Variants in PTPRN2 observed in about 807,000 individuals in gnomAD.
The protein encoded by PTPRN2 is receptor-type tyrosine-protein phosphatase N2.
In PTPRN2, 74 loss-of-function variants were observed where a neutral mutation model predicts 118.8. The ratio of observed to expected loss-of-function variants is 0.62; its 90% CI spans 0.52 to 0.76. The LOEUF (loss-of-function observed/expected upper bound fraction) is 0.76, where lower values mean the gene tolerates loss of function less well. PTPRN2 is among the 30% of genes least tolerant of loss of function. The probability of loss-of-function intolerance (pLI) is 0.00; values close to 1 mark genes in which losing one functional copy is unlikely to be tolerated. For synonymous variants in PTPRN2, 641 were observed against 608.0 expected, an observed-to-expected ratio of 1.05 and a Z score of -0.80; for missense variants, 1,481 against 1,394.4, an observed-to-expected ratio of 1.06 and a Z score of -0.99.
At position 157,941,002 on chromosome 7, in the gene PTPRN2, G is replaced by A. The variant is rs113696987; in HGVS notation, c.1724-42265C>T. 8.3e-3 allele frequency among the ~76,000 whole-genome samples: 231 copies of A among 27,666 alleles called. 19 individuals carry two copies. Among genetic ancestry groups the A allele is most frequent in the Admixed American group, 0.014 (21 of 1,546 alleles). The allele number at this position is 27,666 out of a possible 152,430, so 18.1% of individuals were successfully genotyped here. A position where few individuals can be genotyped will look rare whatever the true frequency, so the allele number is the denominator to read the frequency against. On this transcript the variant is annotated intron_variant, in intron 11 of 22. Coordinates refer to ENST00000389418, the MANE Select transcript of PTPRN2 (RefSeq NM_002847.5). ...CACTGCAAATCTAACACTCTCCCCC[G>A]TGACACTGCAAATCTAACACCCTCC...
At chr7:158,041,644 T>C (rs536319209) in intron 11 of PTPRN2, among the ~76,000 whole-genome samples, 1 of 152,166 alleles carries the variant, frequency 6.6e-6, no homozygotes, top group South Asian at 2.1e-4. Context: ...AGAGGGACTA[T>C]GTCTCCAGAA....
intron 1 of PTPRN2, among the ~76,000 whole-genome samples, chr7:158,568,241 ACTCTG>A (rs1171560069): frequency 1.2e-4 from 19 of 152,050 alleles, no homozygotes; most frequent in Non-Finnish European, 2.6e-4. Flanking sequence ...CAAGAGTGAG[ACTCTG>A]TCTAATAATA....
intron 12 of PTPRN2, among the ~76,000 whole-genome samples, chr7:157,833,157 C>T (rs191059060): frequency 6.9e-4 from 102 of 147,918 alleles, no homozygotes; most frequent in African/African-American, 2.4e-3. Flanking sequence ...ATCGTAAACT[C>T]GTTCAGGAAG....
intron 2 of PTPRN2, among the ~76,000 whole-genome samples, chr7:158,358,692 G>C (rs1343945734): frequency 1.3e-5 from 2 of 152,236 alleles, no homozygotes; most frequent in African/African-American, 2.4e-5. Flanking sequence ...GCTGCCTTTA[G>C]CGTTCGGCTG....
rs866574451 is a variant in PTPRN2 at position 158,133,606 on chromosome 7, C to T, written c.1556+71G>A. On this transcript the variant is annotated intron_variant, in intron 9 of 22. Coordinates refer to ENST00000389418, the MANE Select transcript of PTPRN2 (RefSeq NM_002847.5). ...GTATGCATCCGCCACAGCAAGGAGG[C>T]GCCCCACCTCCAGCCTGCTGGGACA... is the stretch of plus-strand genomic sequence containing the variant. 7.4e-5 allele frequency: 110 copies of T among 1,494,496 alleles called. No homozygotes were observed. In the Middle Eastern group the frequency reaches 1.8e-3, roughly 24 times the overall value. The allele number at this position is 1,494,496 out of a possible 1,614,324, so 92.6% of individuals were successfully genotyped here.
At chr7:158,005,524 C>T (rs1423360471) in intron 11 of PTPRN2, among the ~76,000 whole-genome samples, 3 of 152,224 alleles carry the variant, frequency 2.0e-5, no homozygotes, top group African/African-American at 4.8e-5. Context: ...CTAACACTGG[C>T]TAGAGTTTAA....
rs749117684 is a variant in PTPRN2 at position 157,903,719 on chromosome 7, T to C, written c.1724-4982A>G. ...TTTCATTCTCGAGCTAATCTGAGACTGCAGTGTAAGTCAAAATCGAAGTCA... is the reference window on the plus strand; with the variant it reads ...TTTCATTCTCGAGCTAATCTGAGACCGCAGTGTAAGTCAAAATCGAAGTCA... On this transcript the variant is annotated intron_variant, in intron 11 of 22. Coordinates refer to ENST00000389418, the MANE Select transcript of PTPRN2 (RefSeq NM_002847.5). The surrounding 1 kb of genome is among the most constrained non-coding windows in gnomAD (Gnocchi z 4.2). 6.6e-6 allele frequency among the ~76,000 whole-genome samples: 1 copy of C among 151,964 alleles called. No individual in the cohort carries two copies. The highest frequency in any genetic ancestry group is 1.5e-5 in the Non-Finnish European group (1 of 67,996).
At chr7:157,722,897 G>A (rs1799323859) in intron 12 of PTPRN2, among the ~76,000 whole-genome samples, 2 of 152,108 alleles carry the variant, frequency 1.3e-5, no homozygotes, top group South Asian at 4.1e-4. Flanking sequence ...TGTCACCTGT[G>A]AGGTCACCCC....
intron 2 of PTPRN2, among the ~76,000 whole-genome samples, chr7:158,480,751 A>G (rs893929430): frequency 6.6e-6 from 1 of 152,262 alleles, no homozygotes; most frequent in African/African-American, 2.4e-5. Flanking sequence ...GCCAGCCACA[A>G]TATTCCCTTA....
chr7:158,434,223 A>C (rs1319418747), intron 2 of PTPRN2, among the ~76,000 whole-genome samples: 2 of 152,194 alleles, frequency 1.3e-5, no homozygotes, highest in African/African-American at 4.8e-5. Context: ...CCCGTTCTTC[A>C]GACCTGCTTC....
chr7:158,559,373 G>T (rs1385308629), intron 1 of PTPRN2, among the ~76,000 whole-genome samples: 1 of 152,098 alleles, frequency 6.6e-6, no homozygotes, highest in Admixed American at 6.5e-5. Flanking sequence ...TTTGATACCT[G>T]ACTTTTTCTT....
chr7:157,850,234 C>T (rs1809166085), intron 12 of PTPRN2, among the ~76,000 whole-genome samples: 1 of 152,124 alleles, frequency 6.6e-6, no homozygotes, highest in African/African-American at 2.4e-5. Context: ...AGTGCGGAGC[C>T]TCAGGCTCAC....
intron 11 of PTPRN2, among the ~76,000 whole-genome samples, chr7:157,932,330 A>G (rs1248580503): frequency 6.6e-6 from 1 of 152,228 alleles, no homozygotes; most frequent in Non-Finnish European, 1.5e-5. Context: ...AAATGCCCAC[A>G]TGAGGCCCTG....
chr7:158,327,746 C>T (rs1271197114), intron 2 of PTPRN2, among the ~76,000 whole-genome samples: 1 of 152,206 alleles, frequency 6.6e-6, no homozygotes, highest in Non-Finnish European at 1.5e-5. Context: ...CCACTGCCCC[C>T]TCCTGGTGGA....
chr7:158,008,138 CAT>C (rs1163900252), intron 11 of PTPRN2, among the ~76,000 whole-genome samples: 15 of 55,276 alleles, frequency 2.7e-4, no homozygotes, highest in East Asian at 6.9e-4. Context: ...TACATGTACA[CAT>C]GTGTGAGTGT....
chr7:158,256,144 T>C (rs1027246930), intron 3 of PTPRN2, among the ~76,000 whole-genome samples: 3 of 152,160 alleles, frequency 2.0e-5, no homozygotes, highest in Non-Finnish European at 4.4e-5. Flanking sequence ...AGAATCTCTG[T>C]GCAAAGGTGA....
chr7:157,959,625 G>A (rs1801396254), intron 11 of PTPRN2, among the ~76,000 whole-genome samples: 1 of 152,090 alleles, frequency 6.6e-6, no homozygotes, highest in East Asian at 1.9e-4. Flanking sequence ...AAGCAAACAG[G>A]AGCCATGAGA....
In PTPRN2 at chr7:157,618,863, C is replaced by T. The variant is rs780818934; in HGVS notation, c.2344+2499G>A. On this transcript the variant is annotated intron_variant, in intron 15 of 22. Coordinates refer to ENST00000389418, the MANE Select transcript of PTPRN2 (RefSeq NM_002847.5). This position sits in a 1 kb window ranked among gnomAD's most constrained non-coding sequence, Gnocchi z 4.2. ...CCTGAAGGGCAGTGCTGTGTCTTCA[C>T]ACCCTGGCACATGGGTCGGGAGAAC... 6.6e-6 allele frequency: 1 copy of T among 152,360 alleles called. No individual in the cohort carries two copies. Among genetic ancestry groups the T allele is most frequent in the East Asian group, 1.9e-4 (1 of 5,178 alleles). 9.4% of individuals were successfully genotyped at this position (152,360 alleles called of 1,614,324 possible). A position where few individuals can be genotyped will look rare whatever the true frequency, so the allele number is the denominator to read the frequency against.
At position 158,316,858 on chromosome 7, in the gene PTPRN2, G is replaced by T. The variant is rs138661234; in HGVS notation, c.238C>A (p.Gln80Lys). ...TTCTGCAACGCCACGCGCAGGCGCT[G>T]CAGGGCCACGGGCGACACCTCGTAG... The part of the protein sequence containing the change: ...YRYEVSPVAL[Q>K]RLRVALQKLS... The change falls in exon 3 of 23, where the codon CAG becomes AAG. Residue 80 changes from glutamine (Q) to lysine (K), a missense_variant. Transcript: ENST00000389418. 128 of 1,610,704 alleles carry T rather than the reference G, an allele frequency of 7.9e-5. No individual in the cohort carries two copies. Among genetic ancestry groups the T allele is most frequent in the Non-Finnish European group, 1.1e-4 (125 of 1,179,924 alleles).
Sources: gnomAD v4.1 joint callset for allele counts (sites outside exome capture counted in the v4.1 genomes callset) on GRCh38, gnomAD v4.1.1 for gene constraint, Gnocchi (gnomAD v3.1) non-coding constraint, MANE v1.5 for transcripts, NCBI Gene and HGNC (gene_info 2026-07-23, HGNC 2026-07-21) for gene names.